HTR7: variants seen among roughly 807,000 people sequenced by gnomAD.
HTR7 encodes the protein 5-hydroxytryptamine receptor 7.
Under a neutral mutation model 34.0 loss-of-function variants are expected in HTR7, and 16 were observed. The ratio of observed to expected loss-of-function variants is 0.47; its 90% CI spans 0.32 to 0.71. HTR7 has a LOEUF of 0.71. Among genes scored for constraint, HTR7 ranks in the 30% least tolerant of loss-of-function variants. The probability of loss-of-function intolerance (pLI) is 0.04; values close to 1 mark genes in which losing one functional copy is unlikely to be tolerated. For synonymous variants in HTR7, 265 were observed against 260.2 expected (o/e 1.02, Z -0.18); for missense variants, 504 against 625.5 (o/e 0.81, Z 2.07).
rs1048003759 is a variant in HTR7 at position 90,840,171 on chromosome 10, T to C, written c.539+16962A>G. Among the ~76,000 whole-genome samples, 5 of 127,380 alleles carry C rather than the reference T, an allele frequency of 3.9e-5. 1 individual carries two copies. In the East Asian group the frequency reaches 1.1e-3, roughly 28 times the overall value. The allele number at this position is 127,380 out of a possible 152,430, so 83.6% of individuals were successfully genotyped here. ...CTGTCTCTCCATCTGTTTCTCTCTCTCTCTCTCACACACACACACACACAC... is the reference window on the plus strand; with the variant it reads ...CTGTCTCTCCATCTGTTTCTCTCTCCCTCTCTCACACACACACACACACAC... On this transcript the variant is annotated intron_variant, in intron 1 of 3. Transcript: ENST00000336152.
chr10:90,753,373 A>AAG (rs150993996), intron 1 of HTR7, among the ~76,000 whole-genome samples: 5,694 of 150,448 alleles, frequency 0.038, 291 homozygotes, highest in African/African-American at 0.12. Context: ...CTCTATTTTA[A>AAG]AGAGAGAGAG....
chr10:90,813,878 A>G (rs904150583), intron 1 of HTR7, among the ~76,000 whole-genome samples: 7 of 152,300 alleles, frequency 4.6e-5, no homozygotes, highest in East Asian at 1.9e-4. Context: ...CCAGCTATGT[A>G]AACATCGCAC....
intron 1 of HTR7, among the ~76,000 whole-genome samples, chr10:90,817,282 T>C (rs35863839): frequency 0.28 from 41,885 of 152,066 alleles, 6,350 homozygotes; most frequent in African/African-American, 0.4. Flanking sequence ...TTCCTGATAC[T>C]CCCACCTTCA....
chr10:90,811,131 T>C (rs1393440723), intron 1 of HTR7, among the ~76,000 whole-genome samples: 1 of 152,140 alleles, frequency 6.6e-6, no homozygotes, highest in Non-Finnish European at 1.5e-5. Context: ...ATCCCAACCC[T>C]TTTCATTACA....
At chr10:90,756,766 A>G (rs1243827591) in intron 1 of HTR7, among the ~76,000 whole-genome samples, 1 of 152,190 alleles carries the variant, frequency 6.6e-6, no homozygotes, top group Non-Finnish European at 1.5e-5. Context: ...CATATATTAT[A>G]TTTGTTAACT....
intron 1 of HTR7, among the ~76,000 whole-genome samples, chr10:90,794,370 G>A (rs1380358691): frequency 6.6e-6 from 1 of 152,188 alleles, no homozygotes; most frequent in Non-Finnish European, 1.5e-5. Context: ...TTTTCTATAA[G>A]TAGAAGGAGT....
intron 1 of HTR7, among the ~76,000 whole-genome samples, chr10:90,840,177 T>TCTCACA (rs1478516123): frequency 0.053 from 7,248 of 136,674 alleles, 246 homozygotes; most frequent in Non-Finnish European, 0.077. Context: ...TCTCTCTCTC[T>TCTCACA]CACACACACA....
chr10:90,759,780 TA>T (rs986033457), intron 1 of HTR7, among the ~76,000 whole-genome samples: 29 of 151,438 alleles, frequency 1.9e-4, no homozygotes, highest in African/African-American at 7.0e-4. Context: ...TTTTACAAAG[TA>T]AAAATAATAT....
Position 90,857,892 on chromosome 10 carries a change from C to T in HTR7, c.-221G>A, listed in dbSNP as rs1846622618. Among the ~76,000 whole-genome samples the T allele has an allele frequency of 6.6e-6, 1 of 151,352 alleles. No individual in the cohort carries two copies. The highest frequency in any genetic ancestry group is 1.5e-5 in the Non-Finnish European group (1 of 67,718). ...AGCGCGGCCTCACGGGGACTCCCTGCGGGAGGCGCTTCGGCCCCCGACGGA... is the reference window on the plus strand; with the variant it reads ...AGCGCGGCCTCACGGGGACTCCCTGTGGGAGGCGCTTCGGCCCCCGACGGA... On this transcript the variant is annotated 5_prime_UTR_variant, in exon 1 of 4. Coordinates refer to ENST00000336152, the MANE Select transcript of HTR7 (RefSeq NM_019859.4). The surrounding 1 kb of genome is among the most constrained non-coding windows in gnomAD (Gnocchi z 6.5).
At chr10:90,821,350 G>T (rs1369932931) in intron 1 of HTR7, among the ~76,000 whole-genome samples, 1 of 152,148 alleles carries the variant, frequency 6.6e-6, no homozygotes, top group Non-Finnish European at 1.5e-5. Flanking sequence ...CAGTGATTGT[G>T]GGACTTTGCA....
intron 1 of HTR7, among the ~76,000 whole-genome samples, chr10:90,792,212 T>C (rs1371445201): frequency 6.6e-6 from 1 of 152,216 alleles, no homozygotes; most frequent in African/African-American, 2.4e-5. Context: ...ACATCACCCA[T>C]GTATAAGGCA....
intron 1 of HTR7, among the ~76,000 whole-genome samples, chr10:90,774,611 T>C (rs951595583): frequency 1.3e-5 from 2 of 152,210 alleles, no homozygotes; most frequent in Non-Finnish European, 2.9e-5. Flanking sequence ...GAATGATTTA[T>C]TAAGTAGGAC....
chr10:90,801,163 T>C (rs1314994994), intron 1 of HTR7, among the ~76,000 whole-genome samples: 2 of 152,192 alleles, frequency 1.3e-5, no homozygotes, highest in African/African-American at 4.8e-5. Context: ...GTGGGCCCCA[T>C]CTCCAGGTAA....
chr10:90,767,170 T>C (rs1223845464), intron 1 of HTR7, among the ~76,000 whole-genome samples: 2 of 152,132 alleles, frequency 1.3e-5, no homozygotes, highest in African/African-American at 4.8e-5. Context: ...GGCTACTGGA[T>C]TGGCTCTCTG....
chr10:90,751,525 C>T (rs966964969), intron 1 of HTR7, among the ~76,000 whole-genome samples: 1 of 152,042 alleles, frequency 6.6e-6, no homozygotes, highest in Non-Finnish European at 1.5e-5. Context: ...CAGGATGGTG[C>T]CTCAGGTTCA....
chr10:90,827,449 C>A (rs1182046882), intron 1 of HTR7, among the ~76,000 whole-genome samples: 1 of 152,030 alleles, frequency 6.6e-6, no homozygotes, highest in Non-Finnish European at 1.5e-5. Flanking sequence ...TTTTAAAAAA[C>A]AGACCCAGTG....
At chr10:90,759,798 C>T (rs909069406) in intron 1 of HTR7, among the ~76,000 whole-genome samples, 1 of 151,628 alleles carries the variant, frequency 6.6e-6, no homozygotes, top group African/African-American at 2.4e-5. Context: ...ATATAAGCCA[C>T]AAGAATCAGG....
At chr10:90,744,902 A>G (rs1362318538) in intron 2 of HTR7, among the ~76,000 whole-genome samples, 1 of 152,164 alleles carries the variant, frequency 6.6e-6, no homozygotes, top group African/African-American at 2.4e-5. Flanking sequence ...CCTTTGTATA[A>G]GCTCCCACAT....
At chr10:90,849,262 C>T (rs1846458606) in intron 1 of HTR7, among the ~76,000 whole-genome samples, 1 of 152,164 alleles carries the variant, frequency 6.6e-6, no homozygotes, top group South Asian at 2.1e-4. Flanking sequence ...ACGTAGTTCA[C>T]CAATTTATAA....
Sources: gnomAD v4.1 joint callset for allele counts (sites outside exome capture counted in the v4.1 genomes callset) on GRCh38, gnomAD v4.1.1 for gene constraint, Gnocchi (gnomAD v3.1) non-coding constraint, MANE v1.5 for transcripts, NCBI Gene and HGNC (gene_info 2026-07-23, HGNC 2026-07-21) for gene names.